EIF4G3: variants seen among roughly 807,000 people sequenced by gnomAD.
EIF4G3 encodes eIF-4-gamma 3.
A neutral mutation model predicts 186.4 loss-of-function variants in EIF4G3; 34 were observed. The observed-to-expected ratio is 0.18, with a 90% CI of 0.14 to 0.24. The LOEUF (loss-of-function observed/expected upper bound fraction) is 0.24, where lower values mean the gene tolerates loss of function less well. Among genes scored for constraint, EIF4G3 ranks in the 10% least tolerant of loss-of-function variants. The probability of loss-of-function intolerance (pLI) is 1.00; values close to 1 mark genes in which losing one functional copy is unlikely to be tolerated. For missense variants in EIF4G3, 1,536 were observed against 1,948.5 expected, an observed-to-expected ratio of 0.79 and a Z score of 3.99; for synonymous variants, 673 against 679.5, an observed-to-expected ratio of 0.99 and a Z score of 0.15.
At chr1:20,975,389 A>AC (rs200048275) in intron 10 of EIF4G3, among the ~76,000 whole-genome samples, 13 of 151,286 alleles carry the variant, frequency 8.6e-5, no homozygotes, top group East Asian at 1.9e-4. Context: ...CAAAAAACAA[A>AC]AAAAAAAAAA....
In EIF4G3 at chr1:20,904,878, C is replaced by T; in HGVS notation, c.1752+5G>A. ...TCTGAATATGAACTTAAGAGATTTG[C>T]TTACCTCCAATTCTGCCTCTAACAT... On this transcript the variant is annotated splice_donor_5th_base_variant and intron_variant, in intron 15 of 36. Transcript: ENST00000602326. 1 of 1,611,300 alleles carries T rather than the reference C, an allele frequency of 6.2e-7. No individual in the cohort carries two copies. Among genetic ancestry groups the T allele is most frequent in the Non-Finnish European group, 8.5e-7 (1 of 1,177,828 alleles).
intron 16 of EIF4G3, among the ~76,000 whole-genome samples, chr1:20,897,040 T>C (rs944166172): frequency 1.3e-5 from 2 of 152,218 alleles, no homozygotes; most frequent in African/African-American, 2.4e-5. Context: ...CATTAAATGA[T>C]GCATGACCTA....
Position 20,840,791 on chromosome 1 carries a change from C to T in EIF4G3, c.4061+65G>A. The T allele has an allele frequency of 2.0e-6, 3 of 1,480,172 alleles. No individual in the cohort carries two copies. In the Admixed American group the frequency reaches 5.7e-5, roughly 28 times the overall value. The allele number at this position is 1,480,172 out of a possible 1,614,324, so 91.7% of individuals were successfully genotyped here. ...AACTAAATACTTAAAGAGGTAAGTA[C>T]TTTGAAAATTAACTGGTACCCAAGA... is the stretch of plus-strand genomic sequence containing the variant. On this transcript the variant is annotated intron_variant, in intron 30 of 36. Transcript: ENST00000602326.
intron 29 of EIF4G3, 89 bp downstream of exon 29, chr1:20,849,326 A>C: frequency 1.6e-6 from 1 of 637,694 alleles, no homozygotes; most frequent in Non-Finnish European, 2.6e-6. Flanking sequence ...TTATCAGTTC[A>C]CAATGACACC....
chr1:20,890,659 T>C (rs917558362), intron 18 of EIF4G3, among the ~76,000 whole-genome samples: 1 of 152,194 alleles, frequency 6.6e-6, no homozygotes, highest in Admixed American at 6.5e-5. Flanking sequence ...TTTTACCATG[T>C]TGCCCAGGCT....
At chr1:20,991,211 A>T (rs1570526180) in intron 7 of EIF4G3, among the ~76,000 whole-genome samples, 1 of 152,196 alleles carries the variant, frequency 6.6e-6, no homozygotes, top group African/African-American at 2.4e-5. Context: ...CGGGATATGG[A>T]AGCCCTAGAG....
intron 19 of EIF4G3, among the ~76,000 whole-genome samples, chr1:20,881,240 C>T (rs1053684989): frequency 6.6e-6 from 1 of 152,100 alleles, no homozygotes; most frequent in Admixed American, 6.6e-5. Flanking sequence ...ATAATCTTTT[C>T]AACAAATGGT....
chr1:21,039,096 A>G (rs899550275), intron 4 of EIF4G3, among the ~76,000 whole-genome samples: 1 of 152,226 alleles, frequency 6.6e-6, no homozygotes, highest in Admixed American at 6.5e-5. Context: ...GCATACAGAC[A>G]GACATACAGA....
intron 3 of EIF4G3, among the ~76,000 whole-genome samples, chr1:21,087,514 G>T (rs58940530): frequency 0.027 from 4,109 of 152,302 alleles, 132 homozygotes; most frequent in East Asian, 0.14. Context: ...AATTAAATGG[G>T]CTGGGCATAA....
chr1:20,986,744 C>CAAAAAAAAAAAAAAAAA (rs61255473), intron 7 of EIF4G3, among the ~76,000 whole-genome samples: 9 of 66,316 alleles, frequency 1.4e-4, no homozygotes, highest in East Asian at 7.1e-4. Context: ...GCTCTGTCTC[C>CAAAAAAAAAAAAAAAAA]AAAAAAAAAA....
intron 4 of EIF4G3, among the ~76,000 whole-genome samples, chr1:21,020,205 G>A (rs928147753): frequency 2.0e-5 from 3 of 152,036 alleles, no homozygotes; most frequent in East Asian, 1.9e-4. Context: ...ACCAATTTGC[G>A]GGGCCAGGCA....
chr1:20,973,814 C>T (rs994211428), intron 10 of EIF4G3, among the ~76,000 whole-genome samples: 2 of 152,150 alleles, frequency 1.3e-5, no homozygotes, highest in African/African-American at 4.8e-5. Context: ...TATCTTCTTC[C>T]CCCACTCCTT....
At chr1:20,999,348 C>A in intron 6 of EIF4G3, 1 of 387,116 alleles carries the variant, frequency 2.6e-6, no homozygotes, top group Non-Finnish European at 5.2e-6. Context: ...AAGAAAACAT[C>A]ATACTTCTAC....
rs1171327726 is a variant in EIF4G3, at chr1:20,853,567, A to C, written c.3544T>G (p.Leu1182Val). Residue 1182 changes from leucine to valine, a missense_variant, in exon 27 of 37, where the codon TTA (leucine) becomes GTA (valine). By Grantham distance (32) the Leu-to-Val change is conservative (BLOSUM62 1). This residue lies in a region of EIF4G3 where 395 missense variants were observed against 498.9 expected (regional missense o/e 0.79). Coordinates refer to ENST00000602326, the MANE Select transcript of EIF4G3 (RefSeq NM_001391906.1). ...TPVEFDSRRTLTSRGSMGREK... is the reference protein window; with the variant it reads ...TPVEFDSRRTVTSRGSMGREK... ...AAAAAGCAGGGTTCTCACCTAGTTAAGGTCCTTCGGGAATCAAACTCTACA... is the reference window on the plus strand; with the variant it reads ...AAAAAGCAGGGTTCTCACCTAGTTACGGTCCTTCGGGAATCAAACTCTACA... 2 of 1,610,966 alleles carry C rather than the reference A, an allele frequency of 1.2e-6. No individual in the cohort carries two copies. Among genetic ancestry groups the C allele is most frequent in the Non-Finnish European group, 1.7e-6 (2 of 1,177,288 alleles).
At chr1:20,939,020 T>C (rs1267567796) in intron 14 of EIF4G3, among the ~76,000 whole-genome samples, 1 of 151,478 alleles carries the variant, frequency 6.6e-6, no homozygotes, top group East Asian at 1.9e-4. Flanking sequence ...GGCAGGAGAA[T>C]TGCTTGAACC....
At position 21,117,736 on chromosome 1, in the gene EIF4G3, TAAAAAAAAA is replaced by T. The variant is rs71014156; in HGVS notation, c.-271-28532_-271-28524del. 6.5e-3 allele frequency among the ~76,000 whole-genome samples: 474 copies of T among 73,090 alleles called. 2 individuals carry two copies. The highest frequency in any genetic ancestry group is 0.014 in the Admixed American group (71 of 5,066). The allele number at this position is 73,090 out of a possible 152,430, so 47.9% of individuals were successfully genotyped here. A position where few individuals can be genotyped will look rare whatever the true frequency, so the allele number is the denominator to read the frequency against. ...GGCCTTTCACTGTCCCAGTATATAG[TAAAAAAAAA>T]AAAAAAAAAAAAAAAATTAAAAGCA... On this transcript the variant is annotated intron_variant, in intron 2 of 36. Transcript: ENST00000602326.
intron 7 of EIF4G3, among the ~76,000 whole-genome samples, chr1:20,987,693 C>T (rs557885288): frequency 6.6e-6 from 1 of 152,234 alleles, no homozygotes; most frequent in Admixed American, 6.5e-5. Context: ...GTTGTCCCCC[C>T]GCCTCTCCCA....
chr1:21,078,880 G>C (rs1157082937), intron 3 of EIF4G3, among the ~76,000 whole-genome samples: 1 of 152,160 alleles, frequency 6.6e-6, no homozygotes, highest in African/African-American at 2.4e-5. Flanking sequence ...AGCTACTATG[G>C]AGGCTGAGGC....
At chr1:20,971,236 C>T (rs1296319485) in intron 11 of EIF4G3, among the ~76,000 whole-genome samples, 1 of 152,208 alleles carries the variant, frequency 6.6e-6, no homozygotes, top group East Asian at 1.9e-4. Flanking sequence ...GTCCACACTT[C>T]TTGAGAATTT....
Sources: allele counts gnomAD v4.1 joint callset (sites outside exome capture counted in the v4.1 genomes callset), GRCh38; gene constraint gnomAD v4.1.1; regional missense constraint gnomAD v4.1.1; transcripts MANE v1.5; gene names NCBI Gene and HGNC (gene_info 2026-07-23, HGNC 2026-07-21).